Variants in MACROD2 observed in about 807,000 individuals in gnomAD.
The protein encoded by MACROD2 is ADP-ribose glycohydrolase MACROD2.
Under a neutral mutation model 70.4 loss-of-function variants are expected in MACROD2, and 36 were observed. The ratio of observed to expected loss-of-function variants is 0.51; its 90% CI spans 0.39 to 0.68. The LOEUF (loss-of-function observed/expected upper bound fraction) is 0.68, where lower values mean the gene tolerates loss of function less well. Among genes scored for constraint, MACROD2 ranks in the 30% least tolerant of loss-of-function variants. MACROD2 has a pLI of 0.00. For synonymous variants in MACROD2, 172 were observed against 178.8 expected (o/e 0.96, Z 0.30); for missense variants, 496 against 538.4 (o/e 0.92, Z 0.78).
chr20:14,365,305 G>A (rs1300696356), intron 3 of MACROD2, among the ~76,000 whole-genome samples: 1 of 151,324 alleles, frequency 6.6e-6, no homozygotes. Context: ...CTCTAAGATT[G>A]AGAAATAAAG....
chr20:15,512,727 G>C (rs1233629704), intron 8 of MACROD2, among the ~76,000 whole-genome samples: 1 of 152,090 alleles, frequency 6.6e-6, no homozygotes, highest in Non-Finnish European at 1.5e-5. Flanking sequence ...GTGGAGATAC[G>C]TGCCACCCAC....
At chr20:14,997,555 G>T (rs187770100) in intron 5 of MACROD2, among the ~76,000 whole-genome samples, 1 of 152,286 alleles carries the variant, frequency 6.6e-6, no homozygotes, top group East Asian at 1.9e-4. Context: ...ACTTTGTCTT[G>T]CAACTTGGGT....
chr20:14,100,708 G>T lies in MACROD2; in HGVS notation c.271+14980G>T, dbSNP rs562125580. ...TTTATTTTAAATATATAAATATATA[G>T]TATATATACATTTATATATAATATA... is the stretch of plus-strand genomic sequence containing the variant. On this transcript the variant is annotated intron_variant, in intron 3 of 17. Coordinates refer to ENST00000684519, the MANE Select transcript of MACROD2 (RefSeq NM_001351661.2). Among the ~76,000 whole-genome samples the T allele has an allele frequency of 9.3e-3, 389 of 41,910 alleles. 2 individuals are homozygous for T. The highest frequency in any genetic ancestry group is 0.027 in the African/African-American group (353 of 12,888). The allele number at this position is 41,910 out of a possible 152,430, so 27.5% of individuals were successfully genotyped here.
intron 5 of MACROD2, among the ~76,000 whole-genome samples, chr20:14,989,885 C>A (rs1454852936): frequency 6.6e-6 from 1 of 152,074 alleles, no homozygotes; most frequent in Non-Finnish European, 1.5e-5. Context: ...GAAACTGCTG[C>A]CTGGAATTTT....
intron 3 of MACROD2, among the ~76,000 whole-genome samples, chr20:14,421,526 C>T (rs2083875837): frequency 6.6e-6 from 1 of 152,092 alleles, no homozygotes; most frequent in African/African-American, 2.4e-5. Flanking sequence ...GTATTCTATT[C>T]ATAGTCTTTT....
chr20:14,943,934 A>G (rs114707627), intron 5 of MACROD2, among the ~76,000 whole-genome samples: 3,841 of 152,100 alleles, frequency 0.025, 171 homozygotes, highest in African/African-American at 0.087. Context: ...GTTTCTTTTT[A>G]TTGTTGTCTT....
intron 2 of MACROD2, among the ~76,000 whole-genome samples, chr20:14,016,869 AT>A (rs911077163): frequency 2.6e-5 from 4 of 151,832 alleles, no homozygotes; most frequent in East Asian, 1.9e-4. Context: ...GAATTTTAGG[AT>A]TTTTTTTCCC....
At chr20:14,220,416 G>T (rs2081661164) in intron 3 of MACROD2, among the ~76,000 whole-genome samples, 1 of 152,192 alleles carries the variant, frequency 6.6e-6, no homozygotes, top group Admixed American at 6.5e-5. Context: ...TTTCCAGGCT[G>T]AGAGCAGTAA....
At chr20:15,720,305 A>G (rs923659343) in intron 8 of MACROD2, among the ~76,000 whole-genome samples, 3 of 152,178 alleles carry the variant, frequency 2.0e-5, no homozygotes, top group Non-Finnish European at 4.4e-5. Context: ...TTCCCTTTGT[A>G]TGTATACCCA....
chr20:14,936,634 C>CA (rs553802068), intron 5 of MACROD2, among the ~76,000 whole-genome samples: 10,295 of 141,042 alleles, frequency 0.073, 376 homozygotes, highest in African/African-American at 0.1. Flanking sequence ...AGGTCCTTTC[C>CA]AAAAAAAAAA....
intron 6 of MACROD2, among the ~76,000 whole-genome samples, chr20:15,267,097 G>T (rs1035976416): frequency 6.6e-6 from 1 of 152,178 alleles, no homozygotes; most frequent in Admixed American, 6.5e-5. Context: ...AGCATGCAAG[G>T]CCTGCAGTGA....
intron 6 of MACROD2, among the ~76,000 whole-genome samples, chr20:15,392,511 A>G (rs1436486651): frequency 2.6e-5 from 4 of 152,024 alleles, no homozygotes; most frequent in South Asian, 4.2e-4. Flanking sequence ...CTGTTTTTGC[A>G]TAATCAGTGT....
chr20:15,157,209 C>A (rs191170691), intron 5 of MACROD2, among the ~76,000 whole-genome samples: 1 of 152,116 alleles, frequency 6.6e-6, no homozygotes, highest in African/African-American at 2.4e-5. Context: ...TTGTGAGGAA[C>A]GGCTCTCTGG....
In MACROD2 at chr20:14,424,431, C is replaced by T. The variant is rs139220416; in HGVS notation, c.272-69048C>T. 3.5e-3 allele frequency among the ~76,000 whole-genome samples: 533 copies of T among 152,270 alleles called. 1 individual carries two copies. The highest frequency in any genetic ancestry group is 0.012 in the African/African-American group (502 of 41,532). ...TACCACTGATACCACTGATAATTTG[C>T]TTCTTCTTTCTCTCCTCTGTCCACA... On this transcript the variant is annotated intron_variant, in intron 3 of 17. Transcript: ENST00000684519.
chr20:15,813,763 A>T (rs776663751), intron 8 of MACROD2, among the ~76,000 whole-genome samples: 8 of 152,188 alleles, frequency 5.3e-5, no homozygotes, highest in Non-Finnish European at 1.0e-4. Context: ...TGGGAGACAG[A>T]GGGAGAGATC....
At chr20:15,621,908 G>A (rs1003931207) in intron 8 of MACROD2, among the ~76,000 whole-genome samples, 1 of 152,166 alleles carries the variant, frequency 6.6e-6, no homozygotes, top group Non-Finnish European at 1.5e-5. Flanking sequence ...TGCCCCAAGA[G>A]CTTCATGCCA....
chr20:14,675,915 G>T (rs1184508904), intron 4 of MACROD2, among the ~76,000 whole-genome samples: 1 of 151,992 alleles, frequency 6.6e-6, no homozygotes, highest in Non-Finnish European at 1.5e-5. Context: ...CTCTGATAAA[G>T]CAGACTTTAA....
chr20:15,553,296 A>G (rs2048122730), intron 8 of MACROD2, among the ~76,000 whole-genome samples: 1 of 152,228 alleles, frequency 6.6e-6, no homozygotes, highest in African/African-American at 2.4e-5. Context: ...CATGTCAATT[A>G]TAATTCAGAT....
At chr20:15,923,065 A>T (rs6043620) in intron 10 of MACROD2, among the ~76,000 whole-genome samples, 130,100 of 152,200 alleles carry the variant, frequency 0.85, 56,620 homozygotes, top group Non-Finnish European at 0.95. Context: ...GCAGTAATAA[A>T]GTGGGCGTTC....
Sources: gnomAD v4.1 joint callset for allele counts (sites outside exome capture counted in the v4.1 genomes callset) on GRCh38, gnomAD v4.1.1 for gene constraint, MANE v1.5 for transcripts, NCBI Gene and HGNC (gene_info 2026-07-23, HGNC 2026-07-21) for gene names.